The following MYO16 variants were observed in gnomAD, a reference collection of about 807,000 sequenced individuals.
MYO16 encodes myosin XVI, also known as unconventional myosin-XVI.
A neutral mutation model predicts 205.3 loss-of-function variants in MYO16; 94 were observed. The ratio of observed to expected loss-of-function variants is 0.46; its 90% confidence interval spans 0.39 to 0.54. The LOEUF (loss-of-function observed/expected upper bound fraction) is 0.54, where lower values mean the gene tolerates loss of function less well. MYO16 is among the 20% of genes least tolerant of loss of function. The probability of loss-of-function intolerance (pLI) is 0.00; values close to 1 mark genes in which losing one functional copy is unlikely to be tolerated. For missense variants in MYO16, 2,315 were observed against 2,387.5 expected (o/e 0.97, Z 0.63); for synonymous variants, 988 against 954.0 (o/e 1.04, Z -0.66).
intron 7 of MYO16, 78 bp from the exon 8 acceptor site, chr13:108,820,259 C>A: frequency 9.5e-7 from 1 of 1,051,886 alleles, no homozygotes; most frequent in Non-Finnish European, 1.4e-6. Context: ...GTTAGTTGGA[C>A]AGCACAGTGT....
chr13:109,077,818 G>C (rs1888157231), intron 27 of MYO16, among the ~76,000 whole-genome samples: 1 of 152,030 alleles, frequency 6.6e-6, no homozygotes, highest in South Asian at 2.1e-4. Flanking sequence ...GGATCTTTGA[G>C]TTTACAGCTT....
chr13:109,109,285 CT>C (rs1298134793), intron 28 of MYO16, among the ~76,000 whole-genome samples: 3 of 152,144 alleles, frequency 2.0e-5, no homozygotes, highest in Admixed American at 2.0e-4. Flanking sequence ...CGTTTTTCTT[CT>C]CAAGAACCAG....
intron 1 of MYO16, among the ~76,000 whole-genome samples, chr13:108,611,826 A>G (rs1348875021): frequency 6.6e-6 from 1 of 152,132 alleles, no homozygotes; most frequent in Non-Finnish European, 1.5e-5. Context: ...ATGGCTCTAA[A>G]CTGTTGGATT....
chr13:108,961,940 A>T (rs1402434608), intron 18 of MYO16, among the ~76,000 whole-genome samples: 2 of 152,150 alleles, frequency 1.3e-5, no homozygotes, highest in Non-Finnish European at 2.9e-5. Flanking sequence ...AGTACCCTTC[A>T]CCCCACTACC....
At chr13:108,817,167 A>T (rs1875666647) in intron 7 of MYO16, among the ~76,000 whole-genome samples, 1 of 152,222 alleles carries the variant, frequency 6.6e-6, no homozygotes, top group Non-Finnish European at 1.5e-5. Flanking sequence ...CACTTACCAG[A>T]TTACCCAGAA....
At chr13:108,805,855 G>A (rs1483076472) in intron 6 of MYO16, among the ~76,000 whole-genome samples, 1 of 151,446 alleles carries the variant, frequency 6.6e-6, no homozygotes, top group East Asian at 1.9e-4. Context: ...CAAGCCAGAT[G>A]GATTGCTTGA....
In MYO16 at chr13:108,901,063, G is replaced by A. The variant is rs562789179; in HGVS notation, c.1777+2930G>A. 2.8e-3 allele frequency among the ~76,000 whole-genome samples: 430 copies of A among 152,168 alleles called. 2 individuals carry two copies. Among genetic ancestry groups the A allele is most frequent in the Non-Finnish European group, 4.6e-3 (312 of 68,008 alleles). On this transcript the variant is annotated intron_variant, in intron 15 of 34. Coordinates refer to ENST00000457511, the MANE Select transcript of MYO16 (RefSeq NM_001198950.3). ...GGCTTATTAGGACGAGGAAATTCCC[G>A]CCTAATAAATTTTGGTCAGACCGGT...
chr13:108,895,956 G>C (rs1377743559), intron 14 of MYO16, among the ~76,000 whole-genome samples: 1 of 152,184 alleles, frequency 6.6e-6, no homozygotes, highest in Non-Finnish European at 1.5e-5. Context: ...AGTTATTCCA[G>C]CGTGAGAATT....
chr13:108,761,139 G>C (rs1885595134), intron 4 of MYO16, among the ~76,000 whole-genome samples: 1 of 152,172 alleles, frequency 6.6e-6, no homozygotes, highest in African/African-American at 2.4e-5. Context: ...ATAGTAAAGG[G>C]TTTCAGGGCT....
intron 12 of MYO16, among the ~76,000 whole-genome samples, chr13:108,878,984 C>A (rs971317781): frequency 4.6e-5 from 7 of 152,230 alleles, no homozygotes; most frequent in African/African-American, 1.7e-4. Flanking sequence ...CAGCACCACA[C>A]TGTGTGATGA....
the MYO16 span, among the ~76,000 whole-genome samples, chr13:108,577,493 T>C: frequency 6.6e-6 from 1 of 152,210 alleles, no homozygotes; most frequent in Non-Finnish European, 1.5e-5. Context: ...ATGGCTTTAA[T>C]TTCTGTCTCT....
At chr13:109,205,841 G>A (rs1299028886) in intron 34 of MYO16, among the ~76,000 whole-genome samples, 1 of 152,180 alleles carries the variant, frequency 6.6e-6, no homozygotes, top group Admixed American at 6.5e-5. Flanking sequence ...GGCCCATAAT[G>A]TTCCCATCTT....
chr13:108,959,776 A>G (rs530752227), intron 17 of MYO16, among the ~76,000 whole-genome samples: 3 of 152,312 alleles, frequency 2.0e-5, no homozygotes, highest in African/African-American at 7.2e-5. Context: ...ACGCAGAAGC[A>G]CAGCCTCCTT....
intron 23 of MYO16, among the ~76,000 whole-genome samples, chr13:109,027,538 G>A (rs9514964): frequency 0.17 from 25,099 of 152,066 alleles, 2,208 homozygotes; most frequent in East Asian, 0.24. Context: ...CATAGTGGAA[G>A]GAGGGTGGAA....
the MYO16 span, among the ~76,000 whole-genome samples, chr13:108,557,559 A>G: frequency 3.9e-5 from 6 of 152,186 alleles, no homozygotes; most frequent in African/African-American, 1.2e-4. Context: ...CCTAAAAACA[A>G]TGCTAGTTGT....
At chr13:108,599,846 C>G (rs1203113352) in intron 1 of MYO16, among the ~76,000 whole-genome samples, 2 of 152,142 alleles carry the variant, frequency 1.3e-5, no homozygotes, top group African/African-American at 4.8e-5. Context: ...GAGGTCCTTT[C>G]TTTGTAGCCT....
chr13:108,720,486 A>G (rs570293461), intron 3 of MYO16, among the ~76,000 whole-genome samples: 16 of 152,326 alleles, frequency 1.1e-4, no homozygotes, highest in Middle Eastern at 3.4e-3. Flanking sequence ...ACTCATAAAC[A>G]TAGGACAAAA....
chr13:108,795,497 C>T lies in MYO16; in HGVS notation c.741+1857C>T, dbSNP rs545805016. Among the ~76,000 whole-genome samples the T allele has an allele frequency of 4.6e-5, 7 of 152,240 alleles. No homozygotes were observed. In the South Asian group the frequency reaches 1.0e-3, roughly 23 times the overall value. On this transcript the variant is annotated intron_variant, in intron 6 of 34. Coordinates refer to ENST00000457511, the MANE Select transcript of MYO16 (RefSeq NM_001198950.3). ...TGCTGGGATTACAGGTGTGAGTTAC[C>T]GCGCCTGGCCAGCTTCTAAAATTTT...
chr13:108,923,416 G>A lies in MYO16; in HGVS notation c.1925+13266G>A, dbSNP rs1881836057. Among the ~76,000 whole-genome samples, 3 of 152,240 alleles carry A rather than the reference G, an allele frequency of 2.0e-5. 1 individual carries two copies. The highest frequency in any genetic ancestry group is 4.4e-5 in the Non-Finnish European group (3 of 68,040). On this transcript the variant is annotated intron_variant, in intron 16 of 34. Transcript: ENST00000457511. ...ACACTAGGAGAGTTATTTCAGAGGA[G>A]GGGGACAGGTGAAGCCAGCACTGTT...
Sources: gnomAD v4.1 joint callset for allele counts (sites outside exome capture counted in the v4.1 genomes callset) on GRCh38, gnomAD v4.1.1 for gene constraint, MANE v1.5 for transcripts, NCBI Gene and HGNC (gene_info 2026-07-23, HGNC 2026-07-21) for gene names.